The following SPECC1 variants were observed in gnomAD, a reference collection of about 807,000 sequenced individuals.
SPECC1 encodes the protein sperm antigen with calponin homology and coiled-coil domains 1, also known as cytospin-B.
A neutral mutation model predicts 104.1 loss-of-function variants in SPECC1; 62 were observed. That is an observed-to-expected ratio of 0.60 (90% CI 0.49 to 0.74). SPECC1 has a LOEUF of 0.74. SPECC1 is among the 30% of genes least tolerant of loss of function. The pLI is 0.00. For synonymous variants in SPECC1, 513 were observed against 501.6 expected, an observed-to-expected ratio of 1.02 and a Z score of -0.30; for missense variants, 1,306 against 1,310.5, an observed-to-expected ratio of 1.00 and a Z score of 0.05.
At chr17:20,156,253 G>A (rs1181156255) in intron 3 of SPECC1, 6 of 1,345,018 alleles carry the variant, frequency 4.5e-6, no homozygotes, top group Non-Finnish European at 4.8e-6. Context: ...GCGGCTGGCG[G>A]GGGTCGCGCC....
intron 3 of SPECC1, among the ~76,000 whole-genome samples, chr17:20,132,193 A>G (rs758722925): frequency 9.8e-5 from 15 of 152,286 alleles, no homozygotes; most frequent in Middle Eastern, 6.8e-3. Flanking sequence ...GGTAGATTAC[A>G]TTGACTGATT....
At chr17:20,102,830 A>G (rs2048006165) in intron 2 of SPECC1, among the ~76,000 whole-genome samples, 1 of 152,186 alleles carries the variant, frequency 6.6e-6, no homozygotes, top group African/African-American at 2.4e-5. Context: ...CAGGATAACA[A>G]TAGTAAAAAC....
chr17:20,089,062 T>C (rs1368669936), intron 1 of SPECC1, among the ~76,000 whole-genome samples: 1 of 152,228 alleles, frequency 6.6e-6, no homozygotes, highest in East Asian at 1.9e-4. Flanking sequence ...TTACCCAGTC[T>C]ACAGTTTTTT....
chr17:20,210,752 G>A (rs555912639), intron 4 of SPECC1, among the ~76,000 whole-genome samples: 14 of 152,296 alleles, frequency 9.2e-5, no homozygotes, highest in Admixed American at 4.6e-4. Flanking sequence ...TTCCGGTGCT[G>A]CCTGGGGCAC....
At position 20,204,355 on chromosome 17, in the gene SPECC1, G is replaced by T; in HGVS notation, c.306G>T (p.Arg102=). ...AAGGGGCCTTTACAACAACTAAACGGACAGGCATTCCAGCCCCACGGGAAT... is the reference window on the plus strand; with the variant it reads ...AAGGGGCCTTTACAACAACTAAACGTACAGGCATTCCAGCCCCACGGGAAT... ...SGTGAFTTTK[R]TGIPAPREFS... Residue 102 remains arginine (R), a synonymous_variant, in exon 4 of 15, where the codon CGG becomes CGT. Coordinates refer to ENST00000395527, the MANE Select transcript of SPECC1 (RefSeq NM_001243439.2). The T allele has an allele frequency of 6.2e-7, 1 of 1,612,252 alleles. No homozygotes were observed. Among genetic ancestry groups the T allele is most frequent in the Middle Eastern group, 1.7e-4 (1 of 6,048 alleles).
chr17:20,218,544 G>A (rs1055272027), intron 4 of SPECC1, among the ~76,000 whole-genome samples: 6 of 152,150 alleles, frequency 3.9e-5, no homozygotes, highest in African/African-American at 7.2e-5. Context: ...CCTGAGCACA[G>A]GCAGGGCTCT....
At position 20,231,948 on chromosome 17, in the gene SPECC1, T is replaced by C. The variant is rs560845504; in HGVS notation, c.2145+117T>C. On this transcript the variant is annotated intron_variant, in intron 6 of 14. Coordinates refer to ENST00000395527, the MANE Select transcript of SPECC1 (RefSeq NM_001243439.2). ...AACGTTTCCACGGCATGGTGGGCCC[T>C]GGAACTGTAAATTCTTGTTGGCAGG... The C allele has an allele frequency of 1.4e-3, 1,539 of 1,108,680 alleles. 2 individuals are homozygous for C. The highest frequency in any genetic ancestry group is 1.9e-3 in the Non-Finnish European group (1,391 of 750,528). 68.7% of individuals were successfully genotyped at this position (1,108,680 alleles called of 1,614,324 possible).
intron 1 of SPECC1, among the ~76,000 whole-genome samples, chr17:20,043,341 C>G (rs2045409132): frequency 1.3e-5 from 2 of 152,134 alleles, no homozygotes; most frequent in Admixed American, 1.3e-4. Context: ...TCTTCCCAAG[C>G]AGCCTTTTAC....
intron 4 of SPECC1, among the ~76,000 whole-genome samples, chr17:20,214,804 G>T (rs548717601): frequency 6.6e-6 from 1 of 152,186 alleles, no homozygotes; most frequent in Admixed American, 6.5e-5. Flanking sequence ...CACTGCACCC[G>T]GCCTGGAAAG....
intron 13 of SPECC1, among the ~76,000 whole-genome samples, chr17:20,305,136 G>A (rs1021317390): frequency 2.6e-5 from 4 of 152,050 alleles, no homozygotes; most frequent in Non-Finnish European, 4.4e-5. Flanking sequence ...TAGAGGACAC[G>A]TGCCCACAGC....
chr17:20,103,410 A>G (rs974470686), intron 2 of SPECC1, among the ~76,000 whole-genome samples: 6 of 152,214 alleles, frequency 3.9e-5, no homozygotes, highest in Admixed American at 3.3e-4. Flanking sequence ...TCTGATCGGC[A>G]GGGCCTCCTG....
intron 3 of SPECC1, among the ~76,000 whole-genome samples, chr17:20,153,264 T>C (rs2032178217): frequency 2.0e-5 from 3 of 152,248 alleles, no homozygotes; most frequent in Admixed American, 2.0e-4. Context: ...AACATTGCTG[T>C]AATATAAGTT....
chr17:20,082,984 TCG>T (rs2047038774), intron 1 of SPECC1, among the ~76,000 whole-genome samples: 1 of 151,642 alleles, frequency 6.6e-6, no homozygotes, highest in Non-Finnish European at 1.5e-5. Flanking sequence ...GTTCGTTCGT[TCG>T]TTCGTTCGTT....
intron 1 of SPECC1, among the ~76,000 whole-genome samples, chr17:20,094,204 G>A (rs2047539167): frequency 6.6e-6 from 1 of 152,024 alleles, no homozygotes; most frequent in Non-Finnish European, 1.5e-5. Flanking sequence ...GCATTTTCTG[G>A]GTGCAGTCAT....
intron 13 of SPECC1, among the ~76,000 whole-genome samples, chr17:20,303,447 A>G (rs2041657627): frequency 6.6e-6 from 1 of 152,226 alleles, no homozygotes; most frequent in South Asian, 2.1e-4. Context: ...CATGGGCCAC[A>G]GACTGGAAGA....
At chr17:20,131,943 C>T (rs553775603) in intron 3 of SPECC1, among the ~76,000 whole-genome samples, 2 of 152,192 alleles carry the variant, frequency 1.3e-5, no homozygotes, top group Non-Finnish European at 2.9e-5. Flanking sequence ...TGAGCCACTG[C>T]ATCCGGCCAA....
At chr17:20,179,115 T>C (rs1372929025) in intron 3 of SPECC1, among the ~76,000 whole-genome samples, 4 of 93,368 alleles carry the variant, frequency 4.3e-5, no homozygotes, top group Non-Finnish European at 8.4e-5. Context: ...CTAATAAATT[T>C]TTAAAGATGT....
At chr17:20,096,584 C>A in intron 1 of SPECC1, 47 bp from the exon 2 acceptor site, 1 of 1,552,406 alleles carries the variant, frequency 6.4e-7, no homozygotes, top group Non-Finnish European at 8.7e-7. Context: ...TGTCATGCAG[C>A]AGGTTCAAGT....
intron 1 of SPECC1, among the ~76,000 whole-genome samples, chr17:20,076,086 C>G (rs2046748667): frequency 6.6e-6 from 1 of 152,210 alleles, no homozygotes; most frequent in South Asian, 2.1e-4. Flanking sequence ...TACTGCATTT[C>G]ATTCTGAGTG....
Sources: gnomAD v4.1 joint callset for allele counts (sites outside exome capture counted in the v4.1 genomes callset) on GRCh38, gnomAD v4.1.1 for gene constraint, MANE v1.5 for transcripts, NCBI Gene and HGNC (gene_info 2026-07-23, HGNC 2026-07-21) for gene names.